Variants in MAP2K6 observed in about 807,000 individuals in gnomAD.
MAP2K6 encodes the protein mitogen-activated protein kinase kinase 6.
A neutral mutation model predicts 53.7 loss-of-function variants in MAP2K6; 16 were observed. The ratio of observed to expected loss-of-function variants is 0.30; its 90% CI spans 0.20 to 0.45. The LOEUF is 0.45. Among genes scored for constraint, MAP2K6 ranks in the 20% least tolerant of loss-of-function variants. The pLI, the probability that MAP2K6 is intolerant of heterozygous loss-of-function variation, is 1.00. For synonymous variants in MAP2K6, 132 were observed against 143.1 expected (o/e 0.92, Z 0.55); for missense variants, 204 against 411.9 (o/e 0.50, Z 4.37).
At chr17:69,530,141 T>C (rs2715830) in intron 10 of MAP2K6, among the ~76,000 whole-genome samples, 97,374 of 151,874 alleles carry the variant, frequency 0.64, 31,722 homozygotes, top group Middle Eastern at 0.75. Context: ...AAAACAATAC[T>C]CTGTCTCTAC....
At chr17:69,495,660 T>G (rs1908920005) in intron 1 of MAP2K6, among the ~76,000 whole-genome samples, 1 of 152,042 alleles carries the variant, frequency 6.6e-6, no homozygotes, top group Non-Finnish European at 1.5e-5. Context: ...TATCCCCCAC[T>G]CTGCCTTTTT....
Position 69,431,006 on chromosome 17 carries a change from AT to A in MAP2K6, c.16+16011del, listed in dbSNP as rs2145137205. On this transcript the variant is annotated intron_variant, in intron 1 of 11. Coordinates refer to ENST00000590474, the MANE Select transcript of MAP2K6 (RefSeq NM_002758.4). ...CAATTTTCGTACCCTTTGATCCAGC[AT>A]TTTTATTTATGAGAATCTAGTCTAT... Among the ~76,000 whole-genome samples the A allele has an allele frequency of 2.0e-5, 3 of 152,314 alleles. No individual in the cohort carries two copies. In the East Asian group the frequency reaches 5.8e-4, roughly 29 times the overall value.
chr17:69,495,115 A>C (rs1025626198), intron 1 of MAP2K6, among the ~76,000 whole-genome samples: 5 of 144,814 alleles, frequency 3.5e-5, no homozygotes, highest in African/African-American at 5.1e-5. Context: ...AAAAAAAAAA[A>C]CAACAAATTC....
intron 7 of MAP2K6, chr17:69,521,806 C>CAAAAAA (rs71293537): frequency 9.1e-4 from 72 of 79,336 alleles, no homozygotes; most frequent in African/African-American, 3.2e-3. Context: ...GATAAATGTA[C>CAAAAAA]AAAAAAAAAA....
chr17:69,418,692 CTTAATG>C (rs1429627266), intron 1 of MAP2K6, among the ~76,000 whole-genome samples: 2 of 152,082 alleles, frequency 1.3e-5, no homozygotes, highest in African/African-American at 4.8e-5. Context: ...TAAATAGAAT[CTTAATG>C]TTTATTAACT....
At chr17:69,523,741 C>T (rs1910614191) in intron 8 of MAP2K6, 100 bp downstream of exon 8, 1 of 1,442,342 alleles carries the variant, frequency 6.9e-7, no homozygotes, top group East Asian at 2.3e-5. Flanking sequence ...TGGAAATGTA[C>T]CTAAGACTCC....
intron 1 of MAP2K6, among the ~76,000 whole-genome samples, chr17:69,476,771 T>C (rs2028048): frequency 0.87 from 132,756 of 152,202 alleles, 58,097 homozygotes; most frequent in East Asian, 1. Flanking sequence ...GGCTGATATC[T>C]GTGAAGGTGC....
rs1911816185 is a variant in MAP2K6, at chr17:69,544,840, T to C, written c.*3087T>C. Reference sequence around the variant, plus strand: ...GACTACATATTTATATTCATAATGCTATTAAATTATTTTTGCCACTCCTCT... The same window carrying C: ...GACTACATATTTATATTCATAATGCCATTAAATTATTTTTGCCACTCCTCT... On this transcript the variant is annotated 3_prime_UTR_variant, in exon 12 of 12. Transcript: ENST00000590474. 1.3e-5 allele frequency: 2 copies of C among 152,188 alleles called. No homozygotes were observed. The highest frequency in any genetic ancestry group is 4.8e-5 in the African/African-American group (2 of 41,450). The allele number at this position is 152,188 out of a possible 1,614,324, so 9.4% of individuals were successfully genotyped here. A position where few individuals can be genotyped will look rare whatever the true frequency, so the allele number is the denominator to read the frequency against.
chr17:69,416,598 ATATG>A (rs1178576501), intron 1 of MAP2K6, among the ~76,000 whole-genome samples: 1 of 152,182 alleles, frequency 6.6e-6, no homozygotes, highest in African/African-American at 2.4e-5. Context: ...GTGTGTATAT[ATATG>A]CATGTATATG....
At chr17:69,503,501 C>A (rs1909277942) in intron 1 of MAP2K6, among the ~76,000 whole-genome samples, 1 of 152,052 alleles carries the variant, frequency 6.6e-6, no homozygotes, top group Admixed American at 6.5e-5. Context: ...ATAAGTAAAC[C>A]CAAATGAGGA....
At chr17:69,505,631 C>T (rs771907856) in intron 1 of MAP2K6, 149 bp from the exon 2 acceptor site, 11 of 667,056 alleles carry the variant, frequency 1.6e-5, no homozygotes, top group Non-Finnish European at 3.0e-5. Context: ...GTTCTTAACA[C>T]TCACAGACTT....
chr17:69,490,029 T>G (rs1302347135), intron 1 of MAP2K6, among the ~76,000 whole-genome samples: 1 of 152,190 alleles, frequency 6.6e-6, no homozygotes, highest in African/African-American at 2.4e-5. Flanking sequence ...GTTGCAGGAT[T>G]TGAGTTACAG....
chr17:69,523,394 T>A (rs1910588739), intron 7 of MAP2K6, 120 bp from the exon 8 acceptor site: 29 of 1,276,870 alleles, frequency 2.3e-5, no homozygotes, highest in Non-Finnish European at 3.3e-5. Context: ...TACTTCTGTG[T>A]TGGGCAGCTT....
In MAP2K6 at chr17:69,545,093, C is replaced by G. The variant is rs942221318; in HGVS notation, c.*3340C>G. ...AGCTGGAGTTTTAGCATCATTGACT[C>G]TTTGTAAAACGCCATGTCATGGGCT... On this transcript the variant is annotated 3_prime_UTR_variant, in exon 12 of 12. Transcript: ENST00000590474. 1 of 152,270 alleles carries G rather than the reference C, an allele frequency of 6.6e-6. No individual in the cohort carries two copies. Among genetic ancestry groups the G allele is most frequent in the Admixed American group, 6.5e-5 (1 of 15,294 alleles). The allele number at this position is 152,270 out of a possible 1,614,324, so 9.4% of individuals were successfully genotyped here. A position where few individuals can be genotyped will look rare whatever the true frequency, so the allele number is the denominator to read the frequency against.
At chr17:69,512,266 T>C (rs1909861733) in intron 2 of MAP2K6, among the ~76,000 whole-genome samples, 1 of 150,534 alleles carries the variant, frequency 6.6e-6, no homozygotes, top group South Asian at 2.1e-4. Flanking sequence ...CTTTACAGCA[T>C]ACTGTGCATG....
Position 69,541,828 on chromosome 17 carries a change from C to T in MAP2K6, c.*75C>T, listed in dbSNP as rs1322387057. On this transcript the variant is annotated 3_prime_UTR_variant, in exon 12 of 12. Transcript: ENST00000590474. ...GGGTGAAGCAAGTTCACTACAGCAT[C>T]AATAGAAAGTCATCTTTGAGATAAT... 1.2e-5 allele frequency: 13 copies of T among 1,055,746 alleles called. No homozygotes were observed. The highest frequency in any genetic ancestry group is 3.2e-5 in the African/African-American group (2 of 63,008). The allele number at this position is 1,055,746 out of a possible 1,614,324, so 65.4% of individuals were successfully genotyped here. A position where few individuals can be genotyped will look rare whatever the true frequency, so the allele number is the denominator to read the frequency against.
intron 1 of MAP2K6, chr17:69,501,555 C>G (rs143420197): frequency 1.3e-5 from 2 of 152,072 alleles, no homozygotes; most frequent in Admixed American, 6.5e-5. Context: ...TTATAATGAC[C>G]CAGCTTTGCT....
chr17:69,428,896 T>C (rs1038914051), intron 1 of MAP2K6, among the ~76,000 whole-genome samples: 2 of 145,236 alleles, frequency 1.4e-5, no homozygotes, highest in African/African-American at 5.3e-5. Context: ...AATGACAGAC[T>C]GGATGGTTCT....
intron 1 of MAP2K6, among the ~76,000 whole-genome samples, chr17:69,437,486 A>G (rs1263207058): frequency 6.6e-6 from 1 of 152,164 alleles, no homozygotes; most frequent in Admixed American, 6.5e-5. Context: ...CTTTTATTGA[A>G]AAAAAATCCA....
Sources: gnomAD v4.1 joint callset for allele counts (sites outside exome capture counted in the v4.1 genomes callset) on GRCh38, gnomAD v4.1.1 for gene constraint, MANE v1.5 for transcripts, NCBI Gene and HGNC (gene_info 2026-07-23, HGNC 2026-07-21) for gene names.